The following ZNF845 variants were observed in gnomAD, a reference collection of about 807,000 sequenced individuals.
ZNF845 encodes zinc finger protein 845.
In ZNF845, 59 loss-of-function variants were observed where a neutral mutation model predicts 76.1. That is an observed-to-expected ratio of 0.78 (90% CI 0.63 to 0.96). The LOEUF (loss-of-function observed/expected upper bound fraction) is 0.96. Ranked by LOEUF, ZNF845 falls within the 40% of genes least tolerant of loss-of-function variation. The pLI, the probability that ZNF845 is intolerant of heterozygous loss-of-function variation, is 0.00. For missense variants in ZNF845, 1,045 were observed against 1,172.8 expected (o/e 0.89, Z 1.59); for synonymous variants, 361 against 386.9 (o/e 0.93, Z 0.78).
At chr19:53,341,044 T>C in intron 1 of ZNF845, 191 bp from the exon 2 acceptor site, 1 of 585,018 alleles carries the variant, frequency 1.7e-6, no homozygotes, top group Non-Finnish European at 2.9e-6. Flanking sequence ...CTCTGGTCCA[T>C]ATTGGCTGCT....
rs946543228 is a variant in ZNF845 at position 53,355,766 on chromosome 19, T to G, written c.*2178T>G. On this transcript the variant is annotated 3_prime_UTR_variant, in exon 4 of 4. Transcript: ENST00000458035. ...CATTCCATTTTCCTTCATTGGTTAT[T>G]TCAGCTGTGGTCATTTCATGGATGA... 1 of 152,222 alleles carries G rather than the reference T, an allele frequency of 6.6e-6. No homozygotes were observed. The highest frequency in any genetic ancestry group is 1.5e-5 in the Non-Finnish European group (1 of 68,048). 9.4% of individuals were successfully genotyped at this position (152,222 alleles called of 1,614,324 possible). A position where few individuals can be genotyped will look rare whatever the true frequency, so the allele number is the denominator to read the frequency against.
At position 53,352,350 on chromosome 19, in the gene ZNF845, G is replaced by A. The variant is rs377315092; in HGVS notation, c.1675G>A (p.Ala559Thr). ...TTACCAGTGTAATGAGTGTGGCAAAGCCTTTCGTGGGCAGTCAGCACTTAT... is the reference window on the plus strand; with the variant it reads ...TTACCAGTGTAATGAGTGTGGCAAAACCTTTCGTGGGCAGTCAGCACTTAT... ...KPYQCNECGK[A>T]FRGQSALIYH... is the part of the protein sequence containing the mutation. The change falls in exon 4 of 4, where the codon GCC becomes ACC. Residue 559 changes from alanine to threonine, a missense_variant. Coordinates refer to ENST00000458035, the MANE Select transcript of ZNF845 (RefSeq NM_138374.3). The A allele has an allele frequency of 6.8e-6, 11 of 1,612,708 alleles. No individual in the cohort carries two copies. Among genetic ancestry groups the A allele is most frequent in the Middle Eastern group, 1.7e-4 (1 of 6,058 alleles).
chr19:53,353,635 A>G lies in ZNF845; in HGVS notation c.*47A>G. ...GTTTACAGTTGTAAATCAAGTCTTG[A>G]AAGACAGGAGAATTCATACTGGAGA... On this transcript the variant is annotated 3_prime_UTR_variant, in exon 4 of 4. Coordinates refer to ENST00000458035, the MANE Select transcript of ZNF845 (RefSeq NM_138374.3). The G allele has an allele frequency of 6.5e-7, 1 of 1,530,536 alleles. No individual in the cohort carries two copies. The highest frequency in any genetic ancestry group is 8.8e-7 in the Non-Finnish European group (1 of 1,140,398). 94.8% of individuals were successfully genotyped at this position (1,530,536 alleles called of 1,614,324 possible).
chr19:53,345,440 T>C (rs1207615683), intron 2 of ZNF845, 66 bp from the exon 3 acceptor site: 1 of 1,611,412 alleles, frequency 6.2e-7, no homozygotes, highest in Middle Eastern at 1.7e-4. Context: ...TCTCTCCTCT[T>C]CTCATTTCGT....
Position 53,354,423 on chromosome 19 carries a change from C to T in ZNF845, c.*835C>T, listed in dbSNP as rs555610696. On this transcript the variant is annotated 3_prime_UTR_variant, in exon 4 of 4. Transcript: ENST00000458035. The stretch of plus-strand genomic sequence containing the variant: ...GGGTGGCTCACGCCTGTAATCCCAG[C>T]ACTTTGGGAGGCCAAGACCAATAGA... 2.1e-5 allele frequency: 5 copies of T among 243,882 alleles called. No homozygotes were observed. The highest frequency in any genetic ancestry group is 4.2e-5 in the Non-Finnish European group (5 of 118,916). 15.1% of individuals were successfully genotyped at this position (243,882 alleles called of 1,614,324 possible). A position where few individuals can be genotyped will look rare whatever the true frequency, so the allele number is the denominator to read the frequency against.
rs1237877840 is a variant in ZNF845, at chr19:53,350,988, G to T, written c.313G>T (p.Glu105Ter). 15 of 1,614,012 alleles carry T rather than the reference G, an allele frequency of 9.3e-6. No individual in the cohort carries two copies. The highest frequency in any genetic ancestry group is 1.2e-5 in the Non-Finnish European group (14 of 1,180,042). ...TTTTGAGTTTCAGTGGAAAGAAGAT[G>T]AAAGAAATAGCCATGAAGCACCCAT... The part of the protein sequence containing the change: ...HDFEFQWKED[E>*]RNSHEAPMTE... Residue 105 changes from glutamate (E) to a stop codon, truncating the protein, a stop_gained, in exon 4 of 4, where the codon GAA becomes TAA. Transcript: ENST00000458035. LOFTEE classifies it high-confidence loss of function.
rs537327530 is a variant in ZNF845, at chr19:53,344,594, A to T, written c.16-912A>T. 2.4e-4 allele frequency among the ~76,000 whole-genome samples: 30 copies of T among 127,628 alleles called. No individual in the cohort carries two copies. In the East Asian group the frequency reaches 7.9e-3, roughly 33 times the overall value. 83.7% of individuals were successfully genotyped at this position (127,628 alleles called of 152,430 possible). On this transcript the variant is annotated intron_variant, in intron 2 of 3. Transcript: ENST00000458035. ...TAACGAGAACCCTACATTGATTTTT[A>T]TTTTATTTTATTTATTTTATTTTAT...
chr19:53,341,471 G>T (rs563136237), intron 2 of ZNF845, 149 bp downstream of exon 2: 2 of 1,280,632 alleles, frequency 1.6e-6, no homozygotes, highest in Admixed American at 2.1e-5. Context: ...CTCTCATCTC[G>T]CTTAGATTCC....
chr19:53,352,486 A>AG lies in ZNF845; in HGVS notation c.1812dup (p.Arg605GlufsTer6). ...AATCATTGGAGAATCCATAATGAAG[A>AG]GAGATCGTACAAGTGTAATAGATGT... On this transcript the variant is annotated frameshift_variant, in exon 4 of 4. Transcript: ENST00000458035. LOFTEE classifies it high-confidence loss of function. The AG allele has an allele frequency of 6.2e-7, 1 of 1,612,498 alleles. No homozygotes were observed. The highest frequency in any genetic ancestry group is 8.5e-7 in the Non-Finnish European group (1 of 1,179,126).
intron 1 of ZNF845, 191 bp from the exon 2 acceptor site, chr19:53,341,043 AT>A (rs1458613559): frequency 1.2e-5 from 7 of 585,244 alleles, no homozygotes; most frequent in Non-Finnish European, 2.0e-5. Flanking sequence ...CCTCTGGTCC[AT>A]ATTGGCTGCT....
In ZNF845 at chr19:53,336,640, T is replaced by TC. The variant is rs2085216795; in HGVS notation, c.-74+2848_-74+2849insC. On this transcript the variant is annotated intron_variant, in intron 1 of 3. Transcript: ENST00000458035. ...TCCTTCCTTTCTTTCTTTCTTTTTT[T>TC]TTTTTTTTTTTTTGCAGTTTTACTT... Among the ~76,000 whole-genome samples the TC allele has an allele frequency of 3.3e-5, 5 of 149,572 alleles. No homozygotes were observed. In the South Asian group the frequency reaches 1.0e-3, roughly 31 times the overall value.
At chr19:53,340,155 G>A (rs1004099405) in intron 1 of ZNF845, among the ~76,000 whole-genome samples, 1 of 152,208 alleles carries the variant, frequency 6.6e-6, no homozygotes, top group Non-Finnish European at 1.5e-5. Flanking sequence ...GAGTTTAAGC[G>A]ATTCTCATGC....
chr19:53,341,018 A>G lies in ZNF845; in HGVS notation c.-73-217A>G, dbSNP rs2085252560. On this transcript the variant is annotated intron_variant, in intron 1 of 3. Transcript: ENST00000458035. ...CCACCTCCCATTTCACACTCCAGCT[A>G]CACCCTCACCCCCTCCTCTGGTCCA... The G allele has an allele frequency of 1.2e-5, 6 of 511,810 alleles. No individual in the cohort carries two copies. In the Admixed American group the frequency reaches 1.6e-4, roughly 14 times the overall value. The allele number at this position is 511,810 out of a possible 1,614,324, so 31.7% of individuals were successfully genotyped here.
At position 53,341,342 on chromosome 19, in the gene ZNF845, G is replaced by A. The variant is rs2147033884; in HGVS notation, c.15+20G>A. On this transcript the variant is annotated intron_variant, in intron 2 of 3. Transcript: ENST00000458035. The stretch of plus-strand genomic sequence containing the variant: ...TCTCAGGTGAGATGATATGTTGGGT[G>A]GATTGTTCTGTCTCCTTCCTCTCAG... 1 of 1,613,830 alleles carries A rather than the reference G, an allele frequency of 6.2e-7. No homozygotes were observed. Among genetic ancestry groups the A allele is most frequent in the Non-Finnish European group, 8.5e-7 (1 of 1,179,818 alleles).
intron 2 of ZNF845, among the ~76,000 whole-genome samples, chr19:53,343,098 C>G (rs996168926): frequency 6.6e-6 from 1 of 152,094 alleles, no homozygotes; most frequent in African/African-American, 2.4e-5. Context: ...GGATTGCAAG[C>G]GTGATCCACC....
intron 1 of ZNF845, among the ~76,000 whole-genome samples, chr19:53,337,739 T>C (rs1181274238): frequency 6.6e-6 from 1 of 152,112 alleles, no homozygotes. Flanking sequence ...CTACTTTTTG[T>C]ATTTTTAGTA....
At chr19:53,335,084 T>C (rs1157480896) in intron 1 of ZNF845, among the ~76,000 whole-genome samples, 1 of 152,198 alleles carries the variant, frequency 6.6e-6, no homozygotes, top group Non-Finnish European at 1.5e-5. Flanking sequence ...ACATACATTC[T>C]GTAAATCTTG....
chr19:53,350,062 T>C (rs2085322584), intron 3 of ZNF845, among the ~76,000 whole-genome samples: 1 of 152,210 alleles, frequency 6.6e-6, no homozygotes, highest in Non-Finnish European at 1.5e-5. Flanking sequence ...AAACAATTTC[T>C]TAAAATGTCA....
At position 53,352,806 on chromosome 19, in the gene ZNF845, GC is replaced by G; in HGVS notation, c.2132del (p.Ala711GlufsTer109). 1.9e-6 allele frequency: 3 copies of G among 1,609,792 alleles called. No homozygotes were observed. The highest frequency in any genetic ancestry group is 2.5e-6 in the Non-Finnish European group (3 of 1,178,608). On this transcript the variant is annotated frameshift_variant, in exon 4 of 4. Transcript: ENST00000458035. LOFTEE classifies it high-confidence loss of function. ...AAATTCAGCCCTTATAATTCACAAGGCAATTCATACTGGAGAGAAACCTTAC... is the reference window on the plus strand; with the variant it reads ...AAATTCAGCCCTTATAATTCACAAGGAATTCATACTGGAGAGAAACCTTAC... ...GRNSALIIHK[A>X]IHTGEKPYKC...
Sources: allele counts gnomAD v4.1 joint callset (sites outside exome capture counted in the v4.1 genomes callset), GRCh38; gene constraint gnomAD v4.1.1; transcripts MANE v1.5; gene names NCBI Gene and HGNC (gene_info 2026-07-23, HGNC 2026-07-21).